The following CCSER1 variants were observed in gnomAD, a reference collection of about 807,000 sequenced individuals.
The protein encoded by CCSER1 is coiled-coil serine rich protein 1, also known as serine-rich coiled-coil domain-containing protein 1.
CCSER1 carries 41 observed loss-of-function variants against 82.0 expected under a neutral mutation model. The observed-to-expected ratio is 0.50, with a 90% CI of 0.39 to 0.65. CCSER1 has a LOEUF of 0.65. Among genes scored for constraint, CCSER1 ranks in the 30% least tolerant of loss-of-function variants. CCSER1 has a pLI of 0.00. For synonymous variants in CCSER1, 414 were observed against 383.9 expected, an observed-to-expected ratio of 1.08 and a Z score of -0.92; for missense variants, 1,119 against 1,064.2, an observed-to-expected ratio of 1.05 and a Z score of -0.72.
intron 10 of CCSER1, among the ~76,000 whole-genome samples, chr4:91,504,996 G>A (rs1448907528): frequency 6.6e-6 from 1 of 152,042 alleles, no homozygotes; most frequent in Non-Finnish European, 1.5e-5. Context: ...TTGCTATATG[G>A]GTAAACATGT....
At chr4:90,585,628 A>C (rs1781915177) in intron 5 of CCSER1, among the ~76,000 whole-genome samples, 1 of 152,228 alleles carries the variant, frequency 6.6e-6, no homozygotes, top group Non-Finnish European at 1.5e-5. Context: ...CATTATTAAT[A>C]TAGAATTTTG....
intron 10 of CCSER1, among the ~76,000 whole-genome samples, chr4:91,568,481 GC>G (rs1763003899): frequency 6.6e-6 from 1 of 152,076 alleles, no homozygotes; most frequent in Non-Finnish European, 1.5e-5. Flanking sequence ...TTTCTGGGAA[GC>G]CAGTGATTCA....
chr4:90,369,819 C>T (rs916492967), intron 3 of CCSER1, among the ~76,000 whole-genome samples: 14 of 151,948 alleles, frequency 9.2e-5, no homozygotes, highest in African/African-American at 3.4e-4. Context: ...CTTTGAGATA[C>T]TGGGAAGTGA....
intron 9 of CCSER1, among the ~76,000 whole-genome samples, chr4:91,002,393 C>CTTA (rs1205191835): frequency 1.3e-5 from 2 of 152,158 alleles, no homozygotes; most frequent in East Asian, 3.9e-4. Context: ...ACCAGTTATT[C>CTTA]TTAGGTTTGG....
chr4:90,497,977 G>A (rs200535415), intron 5 of CCSER1, among the ~76,000 whole-genome samples: 21 of 150,442 alleles, frequency 1.4e-4, no homozygotes, highest in African/African-American at 2.7e-4. Context: ...ATGGAGTTTC[G>A]CTCTTTTTGC....
chr4:90,446,496 T>G (rs1472249898), intron 4 of CCSER1, among the ~76,000 whole-genome samples: 2 of 152,144 alleles, frequency 1.3e-5, no homozygotes, highest in Non-Finnish European at 2.9e-5. Flanking sequence ...AATTTGATAC[T>G]TATTCTTTTT....
chr4:90,704,972 T>C (rs1007576707), intron 6 of CCSER1, among the ~76,000 whole-genome samples: 1 of 152,212 alleles, frequency 6.6e-6, no homozygotes, highest in Non-Finnish European at 1.5e-5. Flanking sequence ...TTTTCTCAAC[T>C]CGTCAAAGTC....
rs1163974818 is a variant in CCSER1 at position 90,997,869 on chromosome 4, A to G, written c.2172+74422A>G. 3.3e-5 allele frequency among the ~76,000 whole-genome samples: 5 copies of G among 152,190 alleles called. No homozygotes were observed. In the South Asian group the frequency reaches 1.0e-3, roughly 32 times the overall value. On this transcript the variant is annotated intron_variant, in intron 9 of 10. Coordinates refer to ENST00000509176, the MANE Select transcript of CCSER1 (RefSeq NM_001145065.2). ...ATAATGAACACATACATGATTTTTC[A>G]TTTGTCAATTTCTTACAGTGACCTG...
chr4:90,563,642 A>G (rs573385005), intron 5 of CCSER1, among the ~76,000 whole-genome samples: 2 of 152,096 alleles, frequency 1.3e-5, no homozygotes, highest in South Asian at 2.1e-4. Context: ...GGTAGTTACT[A>G]TTTTATTGTG....
chr4:90,771,093 T>C (rs990846974), intron 7 of CCSER1, among the ~76,000 whole-genome samples: 13 of 152,150 alleles, frequency 8.5e-5, no homozygotes, highest in African/African-American at 3.1e-4. Context: ...AATATAGCTA[T>C]GGAATTTAAT....
intron 8 of CCSER1, among the ~76,000 whole-genome samples, chr4:90,853,365 C>T (rs1038321780): frequency 1.3e-5 from 2 of 151,942 alleles, no homozygotes; most frequent in Non-Finnish European, 2.9e-5. Flanking sequence ...ACTCAATGAA[C>T]CAAAGCATTG....
intron 9 of CCSER1, among the ~76,000 whole-genome samples, chr4:91,040,133 A>G (rs1741835392): frequency 6.6e-6 from 1 of 152,196 alleles, no homozygotes; most frequent in Non-Finnish European, 1.5e-5. Context: ...TCTCATGGTC[A>G]TGAGTCTCCA....
At chr4:90,257,739 T>G (rs1196121465) in intron 1 of CCSER1, among the ~76,000 whole-genome samples, 1 of 152,140 alleles carries the variant, frequency 6.6e-6, no homozygotes, top group Non-Finnish European at 1.5e-5. Context: ...GGAGAGTCAA[T>G]TACATAGTTC....
chr4:90,429,114 A>G (rs928417794), intron 4 of CCSER1, among the ~76,000 whole-genome samples: 5 of 151,828 alleles, frequency 3.3e-5, no homozygotes, highest in African/African-American at 1.2e-4. Flanking sequence ...CGTCAGTACT[A>G]TCAGCTCGCT....
At chr4:90,870,326 G>A (rs1356090768) in intron 8 of CCSER1, among the ~76,000 whole-genome samples, 1 of 151,836 alleles carries the variant, frequency 6.6e-6, no homozygotes, top group African/African-American at 2.4e-5. Flanking sequence ...CTAGCTGTGG[G>A]TCTGTTATAT....
In CCSER1 at chr4:90,332,253, A is replaced by AT. The variant is rs1352071069; in HGVS notation, c.1509+19206_1509+19207insT. 7.1e-4 allele frequency among the ~76,000 whole-genome samples: 106 copies of AT among 150,164 alleles called. 1 individual carries two copies. Among genetic ancestry groups the AT allele is most frequent in the African/African-American group, 2.3e-3 (95 of 41,006 alleles). ...ATTTTATTTTATTTTTTTGAGATGG[A>AT]GTTTTTTTTTTTTGCTCTTATTGCC... On this transcript the variant is annotated intron_variant, in intron 3 of 10. Transcript: ENST00000509176.
intron 8 of CCSER1, among the ~76,000 whole-genome samples, chr4:90,884,981 C>T (rs1019557027): frequency 6.6e-5 from 10 of 152,038 alleles, no homozygotes; most frequent in Non-Finnish European, 1.3e-4. Flanking sequence ...AATTCAATTA[C>T]AATAGAGTTA....
Position 90,377,845 on chromosome 4 carries a change from G to A in CCSER1, c.1510-22191G>A, listed in dbSNP as rs180788937. 1.1e-3 allele frequency among the ~76,000 whole-genome samples: 166 copies of A among 152,114 alleles called. 1 individual carries two copies. The highest frequency in any genetic ancestry group is 1.5e-3 in the East Asian group (8 of 5,172). ...TAATTAGATAAATTAACTGTGGGTGGAAAATTTTCATAGAAAATAATTGTC... is the reference window on the plus strand; with the variant it reads ...TAATTAGATAAATTAACTGTGGGTGAAAAATTTTCATAGAAAATAATTGTC... On this transcript the variant is annotated intron_variant, in intron 3 of 10. Coordinates refer to ENST00000509176, the MANE Select transcript of CCSER1 (RefSeq NM_001145065.2).
At chr4:90,793,126 G>A (rs4631006) in intron 7 of CCSER1, among the ~76,000 whole-genome samples, 4 of 152,250 alleles carry the variant, frequency 2.6e-5, no homozygotes, top group African/African-American at 9.6e-5. Flanking sequence ...TTTCTACCAA[G>A]AAAGTAAGTT....
Sources: gnomAD v4.1 joint callset for allele counts (sites outside exome capture counted in the v4.1 genomes callset) on GRCh38, gnomAD v4.1.1 for gene constraint, MANE v1.5 for transcripts, NCBI Gene and HGNC (gene_info 2026-07-23, HGNC 2026-07-21) for gene names.